ARFGEF1: variants seen among roughly 807,000 people sequenced by gnomAD.
The protein encoded by ARFGEF1 is ARF guanine nucleotide exchange factor 1.
Under a neutral mutation model 231.0 loss-of-function variants are expected in ARFGEF1, and 42 were observed. The ratio of observed to expected loss-of-function variants is 0.18; its 90% CI spans 0.14 to 0.24. The LOEUF (loss-of-function observed/expected upper bound fraction) is 0.24. Ranked by LOEUF, ARFGEF1 falls within the 10% of genes least tolerant of loss-of-function variation. The pLI, the probability that ARFGEF1 is intolerant of heterozygous loss-of-function variation, is 1.00. For missense variants in ARFGEF1, 1,345 were observed against 2,192.0 expected (o/e 0.61, Z 7.72); for synonymous variants, 710 against 732.3 (o/e 0.97, Z 0.49).
intron 3 of ARFGEF1, 91 bp downstream of exon 3, chr8:67,301,133 T>C: frequency 1.6e-6 from 2 of 1,258,082 alleles, no homozygotes; most frequent in Non-Finnish European, 2.1e-6. Flanking sequence ...ATTCAAAGCT[T>C]TCATGGAAAT....
chr8:67,273,419 CAAAAAAAAAAAAAAA>C (rs58580002), intron 9 of ARFGEF1, among the ~76,000 whole-genome samples: 4 of 56,610 alleles, frequency 7.1e-5, no homozygotes, highest in South Asian at 6.8e-4. Flanking sequence ...TTTTTTTTCC[CAAAAAAAAAAAAAAA>C]AAAAAAAAAA....
At chr8:67,308,768 A>G (rs918433929) in intron 1 of ARFGEF1, among the ~76,000 whole-genome samples, 1 of 152,050 alleles carries the variant, frequency 6.6e-6, no homozygotes, top group Non-Finnish European at 1.5e-5. Context: ...TTTATTTTTT[A>G]ATTTTATTAT....
intron 1 of ARFGEF1, among the ~76,000 whole-genome samples, chr8:67,308,484 T>C: frequency 6.6e-6 from 1 of 152,188 alleles, no homozygotes; most frequent in Non-Finnish European, 1.5e-5. Flanking sequence ...TAGAGCTTAA[T>C]AAAATGCAGC....
At chr8:67,207,004 C>G (rs972572393) in intron 34 of ARFGEF1, 4 of 152,296 alleles carry the variant, frequency 2.6e-5, no homozygotes, top group South Asian at 4.1e-4. Context: ...TTAATGAAGG[C>G]TCCTTTCCAG....
intron 1 of ARFGEF1, among the ~76,000 whole-genome samples, chr8:67,324,243 G>T (rs529467260): frequency 6.6e-6 from 1 of 152,260 alleles, no homozygotes; most frequent in South Asian, 2.1e-4. Context: ...GCAGTGAGGC[G>T]GGATCGCGCC....
intron 1 of ARFGEF1, among the ~76,000 whole-genome samples, chr8:67,339,696 CAG>C (rs551185151): frequency 1.5e-3 from 216 of 144,034 alleles, no homozygotes; most frequent in African/African-American, 5.3e-3. Context: ...CCTCTCTCTG[CAG>C]AGAGCTGTAG....
Position 67,227,218 on chromosome 8 carries a change from A to T in ARFGEF1, c.3835T>A (p.Phe1279Ile). The T allele has an allele frequency of 6.2e-7, 1 of 1,613,188 alleles. No individual in the cohort carries two copies. Among genetic ancestry groups the T allele is most frequent in the Non-Finnish European group, 8.5e-7 (1 of 1,179,280 alleles). Residue 1279 changes from phenylalanine to isoleucine, a missense_variant, in exon 27 of 39, where the codon TTC becomes ATC. By Grantham distance (21) the Phe-to-Ile change is conservative. Transcript: ENST00000262215. Reference protein sequence around the residue: ...ANIRSGWKNIFSVFHLAASDQ... With the variant: ...ANIRSGWKNIISVFHLAASDQ... The stretch of plus-strand genomic sequence containing the variant: ...GATGCAGCTAGATGAAATACAGAGA[A>T]AATGTTCTTCCATCCAGATCGAATG...
chr8:67,191,446 T>A (rs942468807), intron 5 of ARFGEF1, among the ~76,000 whole-genome samples: 1 of 152,268 alleles, frequency 6.6e-6, no homozygotes, highest in Admixed American at 6.5e-5. Context: ...AAAATAGCTT[T>A]GCTTTTTGCC....
intron 1 of ARFGEF1, among the ~76,000 whole-genome samples, chr8:67,308,033 T>C (rs554797258): frequency 5.7e-4 from 87 of 152,262 alleles, no homozygotes; most frequent in Non-Finnish European, 7.9e-4. Context: ...CTACAAAAAA[T>C]AGTTCCGTCA....
intron 1 of ARFGEF1, among the ~76,000 whole-genome samples, chr8:67,323,251 C>G (rs990323005): frequency 2.2e-5 from 3 of 139,364 alleles, no homozygotes; most frequent in Non-Finnish European, 4.5e-5. Context: ...GACTCCATCT[C>G]AACAACAACA....
intron 14 of ARFGEF1, among the ~76,000 whole-genome samples, chr8:67,263,749 T>G (rs1804735085): frequency 6.6e-6 from 1 of 152,116 alleles, no homozygotes; most frequent in South Asian, 2.1e-4. Flanking sequence ...AAGCTCTCAC[T>G]GTAATGGAAG....
In ARFGEF1 at chr8:67,299,318, G is replaced by A. The variant is rs1337264407; in HGVS notation, c.350C>T (p.Pro117Leu). The part of the protein sequence containing the change: ...IAYGHLTGNA[P>L]DSTTPGKKLI... The stretch of plus-strand genomic sequence containing the variant: ...TTTTTTGCCTGGTGTTGTACTATCT[G>A]GAGCATTGCCAGTCAAGTGCCCATA... Residue 117 changes from proline (P) to leucine (L), a missense_variant, in exon 4 of 39, where the codon CCA (proline) becomes CTA (leucine). By Grantham distance (98) the Pro-to-Leu change is moderately conservative (BLOSUM62 -3). Transcript: ENST00000262215. The A allele has an allele frequency of 1.2e-6, 2 of 1,608,448 alleles. No individual in the cohort carries two copies. The highest frequency in any genetic ancestry group is 1.7e-6 in the Non-Finnish European group (2 of 1,178,556).
At chr8:67,243,011 C>A (rs183454516) in intron 19 of ARFGEF1, among the ~76,000 whole-genome samples, 1 of 152,316 alleles carries the variant, frequency 6.6e-6, no homozygotes, top group Admixed American at 6.5e-5. Context: ...GAATTGAACA[C>A]CAGGTAGATT....
chr8:67,240,053 G>C (rs1016389511), intron 20 of ARFGEF1, 109 bp downstream of exon 20: 55 of 1,423,290 alleles, frequency 3.9e-5, no homozygotes, highest in Non-Finnish European at 5.0e-5. Context: ...TCATAAACTT[G>C]AAATTAGTTT....
At chr8:67,317,650 C>G (rs190789840) in intron 1 of ARFGEF1, among the ~76,000 whole-genome samples, 74 of 150,970 alleles carry the variant, frequency 4.9e-4, no homozygotes, top group African/African-American at 1.7e-3. Flanking sequence ...GTGGCTTACA[C>G]CTGTAATCCC....
rs912637159 is a variant in ARFGEF1, at chr8:67,299,474, A to G, written c.313-119T>C. On this transcript the variant is annotated intron_variant, in intron 3 of 38. Coordinates refer to ENST00000262215, the MANE Select transcript of ARFGEF1 (RefSeq NM_006421.5). Reference sequence around the variant, plus strand: ...ATATACATAAAATTTTTACACAAAAACATAAAGGTATTATCAAAGCCAAAG... The same window carrying G: ...ATATACATAAAATTTTTACACAAAAGCATAAAGGTATTATCAAAGCCAAAG... The G allele has an allele frequency of 1.1e-5, 10 of 933,366 alleles. No homozygotes were observed. The Admixed American group carries it at 2.2e-4, about 20-fold the overall frequency. The allele number at this position is 933,366 out of a possible 1,614,324, so 57.8% of individuals were successfully genotyped here.
downstream of ARFGEF1, chr8:67,175,280 A>G (rs1831337565): frequency 3.1e-6 from 5 of 1,590,500 alleles, 1 homozygote; most frequent in South Asian, 2.2e-5. Context: ...GTTATATAAC[A>G]TATTTTTTAT....
intron 9 of ARFGEF1, among the ~76,000 whole-genome samples, 186 bp from the exon 10 acceptor site, chr8:67,272,122 GT>G (rs1488895415): frequency 6.6e-6 from 1 of 152,070 alleles, no homozygotes; most frequent in African/African-American, 2.4e-5. Flanking sequence ...CTAACAACAG[GT>G]GCTTTCACTG....
At chr8:67,222,665 G>A (rs908815883) in intron 29 of ARFGEF1, among the ~76,000 whole-genome samples, 1 of 152,074 alleles carries the variant, frequency 6.6e-6, no homozygotes, top group Non-Finnish European at 1.5e-5. Flanking sequence ...TGTCCAGGAT[G>A]GTCTTGAACT....
Sources: gnomAD v4.1 joint callset for allele counts (sites outside exome capture counted in the v4.1 genomes callset) on GRCh38, gnomAD v4.1.1 for gene constraint, MANE v1.5 for transcripts, NCBI Gene and HGNC (gene_info 2026-07-23, HGNC 2026-07-21) for gene names.